FBXW8: variants seen among roughly 807,000 people sequenced by gnomAD.
FBXW8 encodes F-box and WD repeat domain containing 8.
Under a neutral mutation model 65.3 loss-of-function variants are expected in FBXW8, and 57 were observed. The observed-to-expected ratio is 0.87, with a 90% CI of 0.71 to 1.09. FBXW8 has a LOEUF of 1.09. FBXW8 is among the 50% of genes least tolerant of loss of function. The pLI is 0.00. For missense variants in FBXW8, 777 were observed against 814.8 expected (o/e 0.95, Z 0.57); for synonymous variants, 308 against 330.2 (o/e 0.93, Z 0.73).
chr12:116,924,466 A>G (rs1881169710), intron 1 of FBXW8, among the ~76,000 whole-genome samples: 1 of 152,234 alleles, frequency 6.6e-6, no homozygotes, highest in Non-Finnish European at 1.5e-5. Context: ...GAAAATATAC[A>G]ATAAATTGTT....
At chr12:116,911,436 G>T (rs1879935345) in intron 1 of FBXW8, 81 bp downstream of exon 1, 1 of 1,005,314 alleles carries the variant, frequency 9.9e-7, no homozygotes, top group Non-Finnish European at 1.3e-6. Flanking sequence ...GATTTGGAGA[G>T]TAACTGTGTG....
chr12:116,980,585 A>G (rs1885238567), intron 5 of FBXW8, among the ~76,000 whole-genome samples: 1 of 152,212 alleles, frequency 6.6e-6, no homozygotes, highest in African/African-American at 2.4e-5. Context: ...GGTCCGCAGT[A>G]TGATAACACT....
intron 7 of FBXW8, among the ~76,000 whole-genome samples, chr12:116,996,359 G>A (rs904810963): frequency 6.6e-6 from 1 of 152,052 alleles, no homozygotes; most frequent in Non-Finnish European, 1.5e-5. Flanking sequence ...ACTCTGGATT[G>A]GTTGCTCACA....
intron 7 of FBXW8, among the ~76,000 whole-genome samples, chr12:117,002,247 C>T (rs979379074): frequency 6.6e-6 from 1 of 152,272 alleles, no homozygotes; most frequent in African/African-American, 2.4e-5. Flanking sequence ...GGAGCGCACA[C>T]AGGCCTTGCC....
At chr12:116,981,119 T>C (rs930610787) in intron 5 of FBXW8, among the ~76,000 whole-genome samples, 1 of 152,248 alleles carries the variant, frequency 6.6e-6, no homozygotes, top group Admixed American at 6.5e-5. Context: ...AGCCACACTA[T>C]TATAGAGCAT....
intron 8 of FBXW8, among the ~76,000 whole-genome samples, chr12:117,021,212 G>C (rs149027442): frequency 6.6e-6 from 1 of 152,284 alleles, no homozygotes; most frequent in Admixed American, 6.5e-5. Context: ...TAATTTATCT[G>C]ATTACCAGCA....
rs555958140 is a variant in FBXW8 at position 116,929,517 on chromosome 12, G to T, written c.423+1390G>T. On this transcript the variant is annotated intron_variant, in intron 2 of 10. Transcript: ENST00000652555. The stretch of plus-strand genomic sequence containing the variant: ...CCCAAAGTGCTGGGATTACAGGCAT[G>T]AGCCACTGGGCCTGGACTGATTTTT... Among the ~76,000 whole-genome samples, 418 of 151,560 alleles carry T rather than the reference G, an allele frequency of 2.8e-3. 1 individual carries two copies. Among genetic ancestry groups the T allele is most frequent in the African/African-American group, 8.4e-3 (349 of 41,326 alleles).
chr12:117,021,451 CCA>C (rs1954093659), intron 8 of FBXW8, among the ~76,000 whole-genome samples: 1 of 152,070 alleles, frequency 6.6e-6, no homozygotes, highest in Admixed American at 6.5e-5. Flanking sequence ...TTTTCACCTT[CCA>C]TATTTTGTTA....
intron 2 of FBXW8, among the ~76,000 whole-genome samples, chr12:116,932,779 G>A (rs929964818): frequency 1.3e-5 from 2 of 152,182 alleles, no homozygotes; most frequent in Non-Finnish European, 1.5e-5. Flanking sequence ...TGATCCACCT[G>A]CCTCGGCCTC....
chr12:117,008,065 A>C (rs1369269523), intron 7 of FBXW8, among the ~76,000 whole-genome samples: 1 of 152,234 alleles, frequency 6.6e-6, no homozygotes. Flanking sequence ...CTTTTTGGAA[A>C]GGGATTACAT....
Position 117,028,125 on chromosome 12 carries a change from A to G in FBXW8, c.1750A>G (p.Thr584Ala). Residue 584 changes from threonine (T) to alanine (A), a missense_variant, in exon 11 of 11, where the codon ACT (threonine) becomes GCT (alanine). Transcript: ENST00000652555. This position sits in a 1 kb window ranked among gnomAD's most constrained non-coding sequence, Gnocchi z 4.1. ...VCRSSCDAMA[T>A]HYYDLALAFP... ...CCGTTCATCCTGTGACGCCATGGCC[A>G]CTCACTACTACGACCTCGCACTGGC... is the stretch of plus-strand genomic sequence containing the variant. 4.3e-6 allele frequency: 7 copies of G among 1,614,094 alleles called. No individual in the cohort carries two copies. The highest frequency in any genetic ancestry group is 1.1e-5 in the South Asian group (1 of 91,074).
chr12:116,911,642 A>G (rs1169753239), intron 1 of FBXW8, among the ~76,000 whole-genome samples: 1 of 152,116 alleles, frequency 6.6e-6, no homozygotes, highest in Non-Finnish European at 1.5e-5. Flanking sequence ...GGTAGAGGCC[A>G]GAGATGCTCC....
intron 5 of FBXW8, among the ~76,000 whole-genome samples, chr12:116,974,776 A>T (rs1451167218): frequency 6.6e-6 from 1 of 152,226 alleles, no homozygotes; most frequent in Non-Finnish European, 1.5e-5. Flanking sequence ...CCCTGGTAAC[A>T]GTAAGCACAG....
At chr12:116,912,307 C>T (rs1265602627) in intron 1 of FBXW8, among the ~76,000 whole-genome samples, 1 of 151,978 alleles carries the variant, frequency 6.6e-6, no homozygotes, top group African/African-American at 2.4e-5. Context: ...CTTCCCTCAG[C>T]ATCCCGCGTA....
At chr12:116,915,640 CTTTTTTTTTTTTTTTT>C (rs57687048) in intron 1 of FBXW8, among the ~76,000 whole-genome samples, 4 of 77,202 alleles carry the variant, frequency 5.2e-5, no homozygotes, top group East Asian at 4.4e-4. Context: ...CACCTGACTA[CTTTTTTTTTTTTTTTT>C]TTTTTTTTTT....
chr12:116,911,799 G>A lies in FBXW8; in HGVS notation c.318+444G>A, dbSNP rs1482262282. Among the ~76,000 whole-genome samples the A allele has an allele frequency of 2.0e-5, 3 of 152,266 alleles. No homozygotes were observed. The South Asian group carries it at 6.2e-4, about 32-fold the overall frequency. On this transcript the variant is annotated intron_variant, in intron 1 of 10. Transcript: ENST00000652555. ...CTTTGAAAAGGAGGACCCAGATGAT[G>A]GATAGGAAGTAATTTTACCTTTGTA...
intron 7 of FBXW8, 24 bp downstream of exon 7, chr12:116,988,893 A>G (rs776492425): frequency 1.3e-6 from 2 of 1,586,276 alleles, no homozygotes; most frequent in Non-Finnish European, 1.7e-6. Context: ...AAGATATATA[A>G]TTAACAAAAA....
rs1021706285 is a variant in FBXW8 at position 116,996,240 on chromosome 12, C to T, written c.1239+7371C>T. On this transcript the variant is annotated intron_variant, in intron 7 of 10. Transcript: ENST00000652555. ...TGAAGTAATCCAGGAGGCTGGAATGCGTGTGACAAGGACGCTTGCTTGGCG... is the reference window on the plus strand; with the variant it reads ...TGAAGTAATCCAGGAGGCTGGAATGTGTGTGACAAGGACGCTTGCTTGGCG... Among the ~76,000 whole-genome samples the T allele has an allele frequency of 4.6e-5, 7 of 152,308 alleles. No homozygotes were observed. In the South Asian group the frequency reaches 6.2e-4, roughly 14 times the overall value.
chr12:116,945,323 A>T (rs1882855921), intron 2 of FBXW8, 41 bp from the exon 3 acceptor site: 2 of 1,584,568 alleles, frequency 1.3e-6, no homozygotes, highest in African/African-American at 2.7e-5. Context: ...GGGCTTCTCT[A>T]ATTGCAGAAT....
Sources: allele counts gnomAD v4.1 joint callset (sites outside exome capture counted in the v4.1 genomes callset), GRCh38; gene constraint gnomAD v4.1.1; non-coding constraint Gnocchi (gnomAD v3.1); transcripts MANE v1.5; gene names NCBI Gene and HGNC (gene_info 2026-07-23, HGNC 2026-07-21).